PALLD: variants seen among roughly 807,000 people sequenced by gnomAD.
PALLD encodes the protein palladin, cytoskeletal associated protein.
Under a neutral mutation model 123.5 loss-of-function variants are expected in PALLD, and 61 were observed. The ratio of observed to expected loss-of-function variants is 0.49; its 90% CI spans 0.40 to 0.61. The LOEUF is 0.61. PALLD is among the 20% of genes least tolerant of loss of function. PALLD has a pLI of 0.00. For synonymous variants in PALLD, 465 were observed against 496.4 expected (o/e 0.94, Z 0.84); for missense variants, 1,273 against 1,377.0 (o/e 0.92, Z 1.20).
intron 10 of PALLD, among the ~76,000 whole-genome samples, chr4:168,838,210 A>C (rs1745473667): frequency 6.6e-6 from 1 of 152,128 alleles, no homozygotes; most frequent in Admixed American, 6.6e-5. Context: ...TTTCTATCCC[A>C]AGGTCAGGAA....
intron 10 of PALLD, among the ~76,000 whole-genome samples, chr4:168,741,024 A>G (rs1788273849): frequency 6.6e-6 from 1 of 152,234 alleles, no homozygotes; most frequent in African/African-American, 2.4e-5. Flanking sequence ...AAGTTTATTT[A>G]ATAGAGAAGA....
intron 8 of PALLD, among the ~76,000 whole-genome samples, chr4:168,698,736 G>A (rs1004110996): frequency 9.9e-5 from 15 of 151,972 alleles, no homozygotes; most frequent in Admixed American, 9.2e-4. Flanking sequence ...GATGGTTCTT[G>A]GGATCTTTTT....
chr4:168,523,216 AAAG>A (rs1763722003), intron 2 of PALLD, among the ~76,000 whole-genome samples: 2 of 95,622 alleles, frequency 2.1e-5, no homozygotes, highest in Non-Finnish European at 3.9e-5. Flanking sequence ...GAACGAGAAG[AAAG>A]AGGAGAGGAG....
At chr4:168,598,102 C>T in intron 2 of PALLD, 1 of 155,180 alleles carries the variant, frequency 6.4e-6, no homozygotes. Context: ...TAACAATGCA[C>T]TTCTTTTTTA....
chr4:168,804,977 G>T (rs865964493), intron 10 of PALLD, among the ~76,000 whole-genome samples: 47 of 152,096 alleles, frequency 3.1e-4, no homozygotes, highest in African/African-American at 1.1e-3. Flanking sequence ...TGGCCAACAT[G>T]GTGAAACCCC....
intron 10 of PALLD, chr4:168,878,206 C>T (rs1581872605): frequency 1.3e-6 from 2 of 1,518,420 alleles, no homozygotes; most frequent in Non-Finnish European, 1.8e-6. Context: ...TCCCGGTGCC[C>T]GACGTGTTCC....
intron 2 of PALLD, among the ~76,000 whole-genome samples, chr4:168,524,796 A>T (rs1331546836): frequency 6.6e-6 from 1 of 152,114 alleles, no homozygotes; most frequent in Non-Finnish European, 1.5e-5. Flanking sequence ...GCCATGATTG[A>T]TTCTTTAGTG....
chr4:168,761,065 T>A (rs1732758063), intron 10 of PALLD, among the ~76,000 whole-genome samples: 1 of 152,210 alleles, frequency 6.6e-6, no homozygotes, highest in South Asian at 2.1e-4. Flanking sequence ...GTCAAAGTGT[T>A]TATCAATGTT....
chr4:168,885,043 CAA>C (rs1049088100), intron 10 of PALLD, among the ~76,000 whole-genome samples: 4 of 152,154 alleles, frequency 2.6e-5, no homozygotes, highest in African/African-American at 9.7e-5. Context: ...ACAAAACAAA[CAA>C]ACAAAAAAAC....
At position 168,896,612 on chromosome 4, in the gene PALLD, ACCTTTCTTCT is replaced by A; in HGVS notation, c.2250+18_2250+27del. 1 of 1,446,800 alleles carries A rather than the reference ACCTTTCTTCT, an allele frequency of 6.9e-7. No individual in the cohort carries two copies. The highest frequency in any genetic ancestry group is 1.2e-5 in the South Asian group (1 of 81,248). 89.6% of individuals were successfully genotyped at this position (1,446,800 alleles called of 1,614,324 possible). On this transcript the variant is annotated intron_variant, in intron 13 of 21. Coordinates refer to ENST00000505667, the MANE Select transcript of PALLD (RefSeq NM_001166108.2). ...GGATGGTCAAAAGGTTAAGCTTTTC[ACCTTTCTTCT>A]CCTTCCAGTCTTTCTCTGTGTCTGT...
chr4:168,557,235 G>T (rs1346532415), intron 2 of PALLD, among the ~76,000 whole-genome samples: 1 of 151,998 alleles, frequency 6.6e-6, no homozygotes, highest in Non-Finnish European at 1.5e-5. Context: ...GTAGAGATGG[G>T]GTTTCACCAT....
At chr4:168,516,800 C>T (rs1200404859) in intron 2 of PALLD, among the ~76,000 whole-genome samples, 2 of 152,132 alleles carry the variant, frequency 1.3e-5, no homozygotes, top group Non-Finnish European at 1.5e-5. Context: ...ATTCATATTC[C>T]AAATATCTTC....
intron 10 of PALLD, among the ~76,000 whole-genome samples, chr4:168,858,359 T>G (rs1340588963): frequency 6.6e-6 from 1 of 152,248 alleles, no homozygotes; most frequent in African/African-American, 2.4e-5. Flanking sequence ...ATAAATACTT[T>G]TATTAAGATG....
chr4:168,825,778 G>T (rs1317418877), intron 10 of PALLD, among the ~76,000 whole-genome samples: 3 of 152,166 alleles, frequency 2.0e-5, no homozygotes, highest in South Asian at 2.1e-4. Context: ...GCTGATCTGG[G>T]TGTTTTCTAA....
chr4:168,665,550 G>A (rs1214068956), intron 2 of PALLD, among the ~76,000 whole-genome samples: 2 of 152,110 alleles, frequency 1.3e-5, no homozygotes, highest in Admixed American at 1.3e-4. Context: ...GCGAGACAGC[G>A]AGACTCCATC....
intron 3 of PALLD, among the ~76,000 whole-genome samples, chr4:168,672,666 G>A (rs1332766439): frequency 6.6e-6 from 1 of 152,076 alleles, no homozygotes; most frequent in South Asian, 2.1e-4. Flanking sequence ...CGCCGTGTTA[G>A]CCAGGATGGT....
chr4:168,750,622 GTCTTA>G (rs2150383348), intron 10 of PALLD, among the ~76,000 whole-genome samples: 1 of 152,238 alleles, frequency 6.6e-6, no homozygotes, highest in African/African-American at 2.4e-5. Context: ...ACTGACTACA[GTCTTA>G]GTTACCAAGT....
chr4:168,651,400 AT>A lies in PALLD; in HGVS notation c.909-16789del, dbSNP rs1778026020. ...TGTTCCCAACACAAAGAAATGATAA[AT>A]GTTTGAGGTGAGGGACATTCCAGTC... is the stretch of plus-strand genomic sequence containing the variant. On this transcript the variant is annotated intron_variant, in intron 2 of 21. Transcript: ENST00000505667. 3.9e-5 allele frequency among the ~76,000 whole-genome samples: 6 copies of A among 152,310 alleles called. No homozygotes were observed. In the South Asian group the frequency reaches 1.0e-3, roughly 26 times the overall value.
chr4:168,925,490 A>C (rs1762398255), intron 21 of PALLD: 6 of 556,150 alleles, frequency 1.1e-5, no homozygotes, highest in South Asian at 1.0e-4. Flanking sequence ...GTCCTAATGC[A>C]CTCTAAACGT....
Sources: gnomAD v4.1 joint callset for allele counts (sites outside exome capture counted in the v4.1 genomes callset) on GRCh38, gnomAD v4.1.1 for gene constraint, MANE v1.5 for transcripts, NCBI Gene and HGNC (gene_info 2026-07-23, HGNC 2026-07-21) for gene names.